ARHGAP26: variants seen among roughly 807,000 people sequenced by gnomAD.
ARHGAP26 encodes rho GTPase-activating protein 26.
In ARHGAP26, 38 loss-of-function variants were observed where a neutral mutation model predicts 104.8. The ratio of observed to expected loss-of-function variants is 0.36; its 90% confidence interval spans 0.28 to 0.48. The LOEUF is 0.48. Ranked by LOEUF, ARHGAP26 falls within the 20% of genes least tolerant of loss-of-function variation. The probability of loss-of-function intolerance (pLI) is 0.99; values close to 1 mark genes in which losing one functional copy is unlikely to be tolerated. For synonymous variants in ARHGAP26, 341 were observed against 340.0 expected (o/e 1.00, Z -0.03); for missense variants, 704 against 947.9 (o/e 0.74, Z 3.38).
intron 17 of ARHGAP26, among the ~76,000 whole-genome samples, chr5:143,093,781 C>G (rs1436111093): frequency 2.0e-5 from 3 of 152,018 alleles, no homozygotes; most frequent in Non-Finnish European, 4.4e-5. Context: ...GGGAGTGGAG[C>G]TACTCTTTCT....
In ARHGAP26 at chr5:142,902,039, C is replaced by T. The variant is rs142837036; in HGVS notation, c.702C>T (p.Asn234=). Residue 234 remains asparagine, a splice_region_variant and synonymous_variant, in exon 7 of 23, where the codon AAC becomes AAT. Coordinates refer to ENST00000645722, the MANE Select transcript of ARHGAP26 (RefSeq NM_001135608.3). ...CACAGTTAACCATTAGCATACAGAA[C>T]GTGAGTGGGCATAGGGACAGGCTTC... The part of the protein sequence containing the change: ...FKTQLTISIQ[N]TRNRFEGTRS... 20 of 1,612,266 alleles carry T rather than the reference C, an allele frequency of 1.2e-5. No individual in the cohort carries two copies. The highest frequency in any genetic ancestry group is 1.0e-4 in the Admixed American group (6 of 59,954).
intron 11 of ARHGAP26, among the ~76,000 whole-genome samples, chr5:142,943,172 T>C (rs1562124516): frequency 6.6e-6 from 1 of 152,222 alleles, no homozygotes; most frequent in Non-Finnish European, 1.5e-5. Flanking sequence ...ACAGAGTAAG[T>C]GTTCACTAAA....
In ARHGAP26 at chr5:142,972,324, T is replaced by G. The variant is rs537381946; in HGVS notation, c.1107+40199T>G. Among the ~76,000 whole-genome samples, 59 of 152,286 alleles carry G rather than the reference T, an allele frequency of 3.9e-4. 1 individual carries two copies. The highest frequency in any genetic ancestry group is 3.4e-3 in the Middle Eastern group (1 of 294). The stretch of plus-strand genomic sequence containing the variant: ...CCCTTGCCAGGCCATTTAAGATGCT[T>G]CTTTGCTCAGAAACCAGTTGCTGTC... On this transcript the variant is annotated intron_variant, in intron 11 of 22. Transcript: ENST00000645722.
chr5:143,014,462 G>C (rs766282656), intron 12 of ARHGAP26: 11 of 262,296 alleles, frequency 4.2e-5, no homozygotes, highest in Non-Finnish European at 7.3e-5. Flanking sequence ...CTCAACTCCT[G>C]GAGAGCCTTA....
intron 1 of ARHGAP26, among the ~76,000 whole-genome samples, chr5:142,861,153 C>T (rs867707047): frequency 3.9e-5 from 6 of 152,038 alleles, no homozygotes; most frequent in Non-Finnish European, 8.8e-5. Context: ...AGTGGGGAGG[C>T]GGGGAGCCTG....
At chr5:143,069,205 G>A (rs993811354) in intron 17 of ARHGAP26, among the ~76,000 whole-genome samples, 4 of 152,012 alleles carry the variant, frequency 2.6e-5, no homozygotes, top group Non-Finnish European at 4.4e-5. Context: ...CCATAACCAT[G>A]TCAGTATCTA....
chr5:142,843,136 C>G (rs902919791), intron 1 of ARHGAP26, among the ~76,000 whole-genome samples: 8 of 152,194 alleles, frequency 5.3e-5, no homozygotes, highest in Admixed American at 2.0e-4. Flanking sequence ...CATGAATGTT[C>G]CCTACCCCCT....
At chr5:143,191,654 G>T (rs1805937713) in intron 20 of ARHGAP26, among the ~76,000 whole-genome samples, 1 of 152,210 alleles carries the variant, frequency 6.6e-6, no homozygotes, top group African/African-American at 2.4e-5. Context: ...ATACACAGAT[G>T]TGACAAACGT....
chr5:143,128,556 C>T lies in ARHGAP26; in HGVS notation c.1699-5411C>T, dbSNP rs182910177. Among the ~76,000 whole-genome samples the T allele has an allele frequency of 1.8e-3, 274 of 152,300 alleles. 2 individuals are homozygous for T. Among genetic ancestry groups the T allele is most frequent in the African/African-American group, 6.4e-3 (265 of 41,570 alleles). On this transcript the variant is annotated intron_variant, in intron 18 of 22. Coordinates refer to ENST00000645722, the MANE Select transcript of ARHGAP26 (RefSeq NM_001135608.3). ...CTGCAGTTACAGCCTCTGAATTTGG[C>T]TTCTTAACAGTTACAATACATAAGC...
chr5:142,871,041 C>T lies in ARHGAP26; in HGVS notation c.155-2359C>T, dbSNP rs1490302265. Reference sequence around the variant, plus strand: ...TTTCAGGTCCATTCATCAGGATTCTCGCTCTACCCAGCTTTCCTCATTGGC... The same window carrying T: ...TTTCAGGTCCATTCATCAGGATTCTTGCTCTACCCAGCTTTCCTCATTGGC... On this transcript the variant is annotated intron_variant, in intron 1 of 22. Coordinates refer to ENST00000645722, the MANE Select transcript of ARHGAP26 (RefSeq NM_001135608.3). The surrounding 1 kb of genome is among the most constrained non-coding windows in gnomAD (Gnocchi z 4.1). Among the ~76,000 whole-genome samples the T allele has an allele frequency of 1.3e-5, 2 of 152,192 alleles. No homozygotes were observed. The highest frequency in any genetic ancestry group is 6.5e-5 in the Admixed American group (1 of 15,280).
rs548560619 is a variant in ARHGAP26, at chr5:142,871,648, A to G, written c.155-1752A>G. ...ATTCTTTCCCTTTTTTCTTGTGTCT[A>G]CCTGTAGCCTCCTCCTGCCTTCCTG... On this transcript the variant is annotated intron_variant, in intron 1 of 22. Coordinates refer to ENST00000645722, the MANE Select transcript of ARHGAP26 (RefSeq NM_001135608.3). The surrounding 1 kb of genome is among the most constrained non-coding windows in gnomAD (Gnocchi z 4.1). Among the ~76,000 whole-genome samples, 26 of 152,048 alleles carry G rather than the reference A, an allele frequency of 1.7e-4. No homozygotes were observed. Among genetic ancestry groups the G allele is most frequent in the Non-Finnish European group, 3.5e-4 (24 of 67,972 alleles).
intron 1 of ARHGAP26, among the ~76,000 whole-genome samples, chr5:142,774,544 G>A (rs1755903705): frequency 6.6e-6 from 1 of 151,840 alleles, no homozygotes; most frequent in Admixed American, 6.6e-5. Flanking sequence ...CATTAGCATA[G>A]TACAGTTGTT....
At chr5:142,928,698 A>G (rs1764268276) in intron 10 of ARHGAP26, among the ~76,000 whole-genome samples, 1 of 152,202 alleles carries the variant, frequency 6.6e-6, no homozygotes, top group Non-Finnish European at 1.5e-5. Flanking sequence ...TCATCTGCTA[A>G]AGGGGAATAA....
chr5:143,070,925 A>C lies in ARHGAP26; in HGVS notation c.1538+13178A>C, dbSNP rs190254844. Among the ~76,000 whole-genome samples, 28 of 152,282 alleles carry C rather than the reference A, an allele frequency of 1.8e-4. No individual in the cohort carries two copies. In the East Asian group the frequency reaches 5.2e-3, roughly 28 times the overall value. ...TGACACTATCGCAGAAAAAAAAACA[A>C]CAAAAAAACAGGGACATTCTTCACA... On this transcript the variant is annotated intron_variant, in intron 17 of 22. Coordinates refer to ENST00000645722, the MANE Select transcript of ARHGAP26 (RefSeq NM_001135608.3).
intron 20 of ARHGAP26, among the ~76,000 whole-genome samples, chr5:143,163,436 T>G (rs1369171743): frequency 1.2e-4 from 14 of 121,172 alleles, no homozygotes; most frequent in African/African-American, 2.6e-4. Context: ...GTTCTAGGTT[T>G]GTTTGTTTGT....
chr5:143,032,012 C>T (rs1273858829), intron 12 of ARHGAP26, among the ~76,000 whole-genome samples: 1 of 152,174 alleles, frequency 6.6e-6, no homozygotes, highest in Non-Finnish European at 1.5e-5. Context: ...TAAGATTCTT[C>T]AAGGTTACTG....
chr5:142,919,438 A>T, intron 10 of ARHGAP26: 1 of 398,600 alleles, frequency 2.5e-6, no homozygotes, highest in Non-Finnish European at 4.4e-6. Flanking sequence ...ATTTCTGTTG[A>T]TTAAGCCAGC....
chr5:142,843,620 A>T (rs1162426500), intron 1 of ARHGAP26, among the ~76,000 whole-genome samples: 1 of 152,150 alleles, frequency 6.6e-6, no homozygotes, highest in African/African-American at 2.4e-5. Context: ...TGGTACCACT[A>T]CACTTCCTTA....
chr5:143,049,288 C>T (rs1198093353), intron 14 of ARHGAP26, among the ~76,000 whole-genome samples: 1 of 152,164 alleles, frequency 6.6e-6, no homozygotes, highest in African/African-American at 2.4e-5. Flanking sequence ...ACTTGTCCTC[C>T]ATCTCAGTAT....
Sources: allele counts gnomAD v4.1 joint callset (sites outside exome capture counted in the v4.1 genomes callset), GRCh38; gene constraint gnomAD v4.1.1; non-coding constraint Gnocchi (gnomAD v3.1); transcripts MANE v1.5; gene names NCBI Gene and HGNC (gene_info 2026-07-23, HGNC 2026-07-21).